The following CLSTN2 variants were observed in gnomAD, a reference collection of about 807,000 sequenced individuals.
The protein encoded by CLSTN2 is calsyntenin-2.
A neutral mutation model predicts 101.2 loss-of-function variants in CLSTN2; 48 were observed. That is an observed-to-expected ratio of 0.47 (90% CI 0.38 to 0.60). The LOEUF is 0.60. Ranked by LOEUF, CLSTN2 falls within the 20% of genes least tolerant of loss-of-function variation. The pLI is 0.00. For synonymous variants in CLSTN2, 481 were observed against 463.6 expected (o/e 1.04, Z -0.48); for missense variants, 1,160 against 1,238.2 (o/e 0.94, Z 0.95).
intron 1 of CLSTN2, among the ~76,000 whole-genome samples, chr3:140,044,840 T>C (rs1235207905): frequency 2.0e-5 from 3 of 152,228 alleles, no homozygotes; most frequent in African/African-American, 7.2e-5. Context: ...GTTTATTGAT[T>C]TGCATATGTT....
chr3:139,990,117 C>T (rs1425745888), intron 1 of CLSTN2, among the ~76,000 whole-genome samples: 1 of 152,182 alleles, frequency 6.6e-6, no homozygotes, highest in Non-Finnish European at 1.5e-5. Flanking sequence ...AATGATTGTG[C>T]TGTTATTTTA....
chr3:140,160,206 T>C (rs2010023470), intron 1 of CLSTN2, among the ~76,000 whole-genome samples: 2 of 152,120 alleles, frequency 1.3e-5, no homozygotes, highest in South Asian at 4.2e-4. Flanking sequence ...TTTAAGAAAA[T>C]GATATTTAGA....
intron 1 of CLSTN2, among the ~76,000 whole-genome samples, chr3:140,143,356 C>T (rs1223849157): frequency 2.0e-5 from 3 of 152,162 alleles, no homozygotes; most frequent in South Asian, 4.2e-4. Context: ...ACGAGGGGTC[C>T]GGGGTCTAAG....
chr3:139,987,049 G>C (rs1936037298), intron 1 of CLSTN2, among the ~76,000 whole-genome samples: 1 of 151,846 alleles, frequency 6.6e-6, no homozygotes, highest in Non-Finnish European at 1.5e-5. Flanking sequence ...AATTCCCCTG[G>C]GCCTATCAAT....
At chr3:140,208,720 T>C (rs1048184262) in intron 2 of CLSTN2, among the ~76,000 whole-genome samples, 6 of 152,244 alleles carry the variant, frequency 3.9e-5, no homozygotes, top group African/African-American at 1.4e-4. Flanking sequence ...CCAATCCTTT[T>C]TATTTTACTC....
rs200683024 is a variant in CLSTN2, at chr3:140,556,672, G to A, written c.1823+11G>A. On this transcript the variant is annotated intron_variant, in intron 11 of 16. Coordinates refer to ENST00000458420, the MANE Select transcript of CLSTN2 (RefSeq NM_022131.3). The stretch of plus-strand genomic sequence containing the variant: ...ATCCTCCAAAGTCCAGTGAGTGGAC[G>A]CTGGTCAGCCTGGGGCCAACTGAGG... The A allele has an allele frequency of 2.4e-5, 39 of 1,613,118 alleles. No individual in the cohort carries two copies. The highest frequency in any genetic ancestry group is 1.7e-4 in the Middle Eastern group (1 of 6,050).
At chr3:140,377,207 T>C (rs2087926847) in intron 2 of CLSTN2, among the ~76,000 whole-genome samples, 1 of 152,228 alleles carries the variant, frequency 6.6e-6, no homozygotes, top group Non-Finnish European at 1.5e-5. Flanking sequence ...GTGTTTGTGG[T>C]GATGTTGGTA....
intron 1 of CLSTN2, among the ~76,000 whole-genome samples, chr3:139,985,854 T>C (rs1936013236): frequency 6.6e-6 from 1 of 152,204 alleles, no homozygotes; most frequent in South Asian, 2.1e-4. Context: ...AGTATGGTAG[T>C]TACTAGCAAT....
At chr3:140,130,565 A>G (rs962234003) in intron 1 of CLSTN2, among the ~76,000 whole-genome samples, 6 of 152,152 alleles carry the variant, frequency 3.9e-5, no homozygotes, top group African/African-American at 1.4e-4. Flanking sequence ...ATGGCAGGGA[A>G]AGATGCAAAT....
At chr3:140,046,982 G>A (rs1055079842) in intron 1 of CLSTN2, among the ~76,000 whole-genome samples, 5 of 151,868 alleles carry the variant, frequency 3.3e-5, no homozygotes, top group South Asian at 2.1e-4. Context: ...TGCCTACCAC[G>A]TATATTATCA....
At chr3:140,457,310 G>A (rs1933427514) in intron 6 of CLSTN2, among the ~76,000 whole-genome samples, 1 of 152,232 alleles carries the variant, frequency 6.6e-6, no homozygotes, top group Non-Finnish European at 1.5e-5. Flanking sequence ...GAACCGACAT[G>A]CTCTGTGTGT....
At chr3:140,409,150 C>T (rs1199029911) in intron 4 of CLSTN2, among the ~76,000 whole-genome samples, 1 of 152,240 alleles carries the variant, frequency 6.6e-6, no homozygotes, top group Non-Finnish European at 1.5e-5. Flanking sequence ...ATATGTATAC[C>T]ATGAGCCTTG....
chr3:140,115,995 A>C (rs1266763237), intron 1 of CLSTN2, among the ~76,000 whole-genome samples: 2 of 152,160 alleles, frequency 1.3e-5, no homozygotes, highest in Admixed American at 6.5e-5. Context: ...CCGGAGCAGG[A>C]GTGGCTTCTG....
intron 5 of CLSTN2, among the ~76,000 whole-genome samples, chr3:140,442,326 A>G (rs2108004818): frequency 6.6e-6 from 1 of 152,178 alleles, no homozygotes; most frequent in East Asian, 1.9e-4. Flanking sequence ...CCAGACAACT[A>G]CGTCCAAGAG....
At chr3:139,949,701 A>G (rs892981432) in intron 1 of CLSTN2, among the ~76,000 whole-genome samples, 7 of 152,226 alleles carry the variant, frequency 4.6e-5, no homozygotes, top group Admixed American at 4.6e-4. Context: ...ACTTTGCTCC[A>G]TAGCATTGGA....
intron 1 of CLSTN2, among the ~76,000 whole-genome samples, chr3:140,013,359 G>A (rs1349335765): frequency 6.6e-6 from 1 of 152,246 alleles, no homozygotes; most frequent in African/African-American, 2.4e-5. Context: ...CCAGCCACAT[G>A]TGGTGACAGC....
chr3:140,492,605 GA>G (rs1934374192), intron 8 of CLSTN2, among the ~76,000 whole-genome samples: 1 of 152,194 alleles, frequency 6.6e-6, no homozygotes, highest in Non-Finnish European at 1.5e-5. Flanking sequence ...CTTACAACCA[GA>G]AAAGCTAAGC....
At chr3:140,527,407 T>G (rs1408460888) in intron 8 of CLSTN2, among the ~76,000 whole-genome samples, 1 of 151,998 alleles carries the variant, frequency 6.6e-6, no homozygotes, top group Non-Finnish European at 1.5e-5. Context: ...AGAATGGCAA[T>G]TATTAAAAAA....
At chr3:140,467,742 A>T (rs73231214) in intron 8 of CLSTN2, among the ~76,000 whole-genome samples, 7,125 of 151,806 alleles carry the variant, frequency 0.047, 249 homozygotes, top group East Asian at 0.12. Flanking sequence ...TCCCTTCTCC[A>T]TCCTTGTTAC....
Sources: gnomAD v4.1 joint callset for allele counts (sites outside exome capture counted in the v4.1 genomes callset) on GRCh38, gnomAD v4.1.1 for gene constraint, MANE v1.5 for transcripts, NCBI Gene and HGNC (gene_info 2026-07-23, HGNC 2026-07-21) for gene names.